Variants in PRSS1 observed in about 807,000 individuals in gnomAD.
PRSS1 encodes the protein TCR V beta 4.1.
In PRSS1, 22 loss-of-function variants were observed where a neutral mutation model predicts 24.2. The ratio of observed to expected loss-of-function variants is 0.91; its 90% CI spans 0.65 to 1.30. PRSS1 has a LOEUF of 1.30. Ranked by LOEUF, PRSS1 falls within the 50% of genes most tolerant of loss-of-function variation. The pLI, the probability that PRSS1 is intolerant of heterozygous loss-of-function variation, is 0.00. For synonymous variants in PRSS1, 126 were observed against 116.1 expected (o/e 1.08, Z -0.55); for missense variants, 366 against 304.2 (o/e 1.20, Z -1.51).
chr7:142,751,078 G>T (rs371622191), intron 2 of PRSS1: 1 of 597,008 alleles, frequency 1.7e-6, no homozygotes, highest in Non-Finnish European at 3.0e-6. Flanking sequence ...GGGCAATTAA[G>T]TCAAAATTTT....
At position 142,751,854 on chromosome 7, in the gene PRSS1, T is replaced by C. The variant is rs1461511291; in HGVS notation, c.281T>C (p.Ile94Thr). Residue 94 changes from isoleucine (I) to threonine (T), a missense_variant, in exon 3 of 5, where the codon ATC (isoleucine) becomes ACC (threonine). By Grantham distance (89) the Ile-to-Thr change is moderately conservative. Transcript: ENST00000311737. ...NEQFINAAKI[I>T]RHPQYDRKTL... ...CAGTTCATCAATGCAGCCAAGATCA[T>C]CCGCCACCCCCAATACGACAGGAAG... The C allele has an allele frequency of 6.2e-7, 1 of 1,614,032 alleles. No homozygotes were observed.
At chr7:142,752,401 C>T (rs751281408) in intron 3 of PRSS1, 30 bp from the exon 4 acceptor site, 10 of 1,612,426 alleles carry the variant, frequency 6.2e-6, no homozygotes, top group Non-Finnish European at 8.5e-6. Flanking sequence ...CACATTTCTA[C>T]TTCCTTTGAT....
At chr7:142,749,573 C>G (rs781517757) in intron 1 of PRSS1, 49 bp downstream of exon 1, 3 of 1,575,270 alleles carry the variant, frequency 1.9e-6, no homozygotes, top group South Asian at 2.2e-5. Flanking sequence ...CCGTTCCTGG[C>G]CGACAAATGC....
intron 1 of PRSS1, among the ~76,000 whole-genome samples, chr7:142,750,021 G>C (rs1417989308): frequency 3.3e-5 from 5 of 152,190 alleles, no homozygotes; most frequent in Non-Finnish European, 7.3e-5. Context: ...AAGAATTGCT[G>C]TCCTATTGGC....
chr7:142,750,516 G>C (rs771983541), intron 1 of PRSS1, 39 bp from the exon 2 acceptor site: 2 of 1,613,802 alleles, frequency 1.2e-6, no homozygotes, highest in East Asian at 2.2e-5. Flanking sequence ...CCCCTAACAT[G>C]CTATTGACTT....
At chr7:142,749,691 T>TC (rs1798522324) in intron 1 of PRSS1, among the ~76,000 whole-genome samples, 167 bp downstream of exon 1, 3,630 of 93,754 alleles carry the variant, frequency 0.039, no homozygotes, top group African/African-American at 0.074. Context: ...AAGTCTCACC[T>TC]GTTCACCTTC....
Position 142,751,871 on chromosome 7 carries a change from G to C in PRSS1, c.298G>C (p.Asp100His), listed in dbSNP as rs199507985. The C allele has an allele frequency of 7.7e-6, 11 of 1,434,124 alleles. No homozygotes were observed. The highest frequency in any genetic ancestry group is 1.0e-5 in the Non-Finnish European group (11 of 1,058,096). 88.8% of individuals were successfully genotyped at this position (1,434,124 alleles called of 1,614,324 possible). A position where few individuals can be genotyped will look rare whatever the true frequency, so the allele number is the denominator to read the frequency against. ...AAKIIRHPQYDRKTLNNDIML... is the reference protein window; with the variant it reads ...AAKIIRHPQYHRKTLNNDIML... ...CAAGATCATCCGCCACCCCCAATAC[G>C]ACAGGAAGACTCTGAACAATGACAT... The change falls in exon 3 of 5, where the codon GAC becomes CAC. Residue 100 changes from aspartate to histidine, a missense_variant. Asp to His is a moderately conservative substitution (Grantham distance 81, BLOSUM62 -1). Transcript: ENST00000311737.
At chr7:142,749,741 C>G (rs2005462) in intron 1 of PRSS1, among the ~76,000 whole-genome samples, 3 of 130,118 alleles carry the variant, frequency 2.3e-5, no homozygotes, top group South Asian at 4.8e-4. Context: ...CATCCATATC[C>G]GAGTTGTGGT....
chr7:142,752,142 C>T lies in PRSS1; in HGVS notation c.454+115C>T, dbSNP rs936056559. On this transcript the variant is annotated intron_variant, in intron 3 of 4. Coordinates refer to ENST00000311737, the MANE Select transcript of PRSS1 (RefSeq NM_002769.5). ...AGGCTTAAGACACATTTCGAGTGCC[C>T]ATTACACACAGACTCTGCACTGGGC... 5 of 1,500,032 alleles carry T rather than the reference C, an allele frequency of 3.3e-6. No individual in the cohort carries two copies. The Admixed American group carries it at 6.8e-5, about 20-fold the overall frequency. The allele number at this position is 1,500,032 out of a possible 1,614,324, so 92.9% of individuals were successfully genotyped here.
intron 1 of PRSS1, among the ~76,000 whole-genome samples, chr7:142,750,293 G>C (rs1427583270): frequency 8.2e-6 from 1 of 122,696 alleles, no homozygotes; most frequent in Non-Finnish European, 1.7e-5. Context: ...TGGAAGCATT[G>C]TGAGGACATT....
intron 2 of PRSS1, 175 bp downstream of exon 2, chr7:142,750,889 C>G: frequency 1.0e-6 from 1 of 959,160 alleles, no homozygotes; most frequent in Non-Finnish European, 1.6e-6. Flanking sequence ...ACAGGAACCT[C>G]TCACACCCAG....
rs1385704003 is a variant in PRSS1 at position 142,751,824 on chromosome 7, A to T, written c.251A>T (p.Asn84Ile). 6.2e-7 allele frequency: 1 copy of T among 1,614,030 alleles called. No individual in the cohort carries two copies. The highest frequency in any genetic ancestry group is 8.5e-7 in the Non-Finnish European group (1 of 1,180,024). Reference sequence around the variant, plus strand: ...CACAACATCGAAGTCCTGGAGGGGAATGAGCAGTTCATCAATGCAGCCAAG... The same window carrying T: ...CACAACATCGAAGTCCTGGAGGGGATTGAGCAGTTCATCAATGCAGCCAAG... ...GEHNIEVLEG[N>I]EQFINAAKII... is the part of the protein sequence containing the mutation. Residue 84 changes from asparagine (N) to isoleucine (I), a missense_variant, in exon 3 of 5, where the codon AAT becomes ATT. Physicochemically the swap from Asn to Ile is moderately radical, Grantham distance 149 (BLOSUM62 -3). Transcript: ENST00000311737.
At chr7:142,751,706 CT>C (rs766525828) in intron 2 of PRSS1, 67 bp from the exon 3 acceptor site, 51 of 1,613,888 alleles carry the variant, frequency 3.2e-5, no homozygotes, top group Non-Finnish European at 4.0e-5. Flanking sequence ...CTTGAGGAAC[CT>C]GGGGAAGGTG....
At chr7:142,752,647 G>C (rs1482784932) in intron 4 of PRSS1, 80 bp downstream of exon 4, 1 of 1,604,860 alleles carries the variant, frequency 6.2e-7, no homozygotes. Context: ...GAACTCAAAA[G>C]GTGGTGGGGC....
rs200976326 is a variant in PRSS1 at position 142,751,946 on chromosome 7, A to G, written c.373A>G (p.Thr125Ala). 3 of 1,614,020 alleles carry G rather than the reference A, an allele frequency of 1.9e-6. No homozygotes were observed. Among genetic ancestry groups the G allele is most frequent in the Middle Eastern group, 1.7e-4 (1 of 6,048 alleles). ...SRAVINARVS[T>A]ISLPTAPPAT... Reference sequence around the variant, plus strand: ...TGCAGTAATCAACGCCCGCGTGTCCACCATCTCTCTGCCCACCGCCCCTCC... The same window carrying G: ...TGCAGTAATCAACGCCCGCGTGTCCGCCATCTCTCTGCCCACCGCCCCTCC... Residue 125 changes from threonine (T) to alanine (A), a missense_variant, in exon 3 of 5, where the codon ACC (threonine) becomes GCC (alanine). By Grantham distance (58) the Thr-to-Ala change is moderately conservative. Transcript: ENST00000311737.
intron 2 of PRSS1, chr7:142,750,941 G>A: frequency 3.9e-6 from 3 of 768,664 alleles, no homozygotes; most frequent in East Asian, 2.7e-5. Flanking sequence ...ATAAAAGCAG[G>A]CAGGGATGAT....
chr7:142,751,371 C>G, intron 2 of PRSS1: 1 of 577,066 alleles, frequency 1.7e-6, no homozygotes, highest in Non-Finnish European at 3.1e-6. Context: ...AAGGGTGGTT[C>G]TCACCAGGCC....
rs766947989 is a variant in PRSS1 at position 142,750,856 on chromosome 7, C to G, written c.200+142C>G. The G allele has an allele frequency of 1.2e-5, 15 of 1,244,930 alleles. No individual in the cohort carries two copies. The African/African-American group carries it at 1.6e-4, about 14-fold the overall frequency. 77.1% of individuals were successfully genotyped at this position (1,244,930 alleles called of 1,614,324 possible). On this transcript the variant is annotated intron_variant, in intron 2 of 4. Coordinates refer to ENST00000311737, the MANE Select transcript of PRSS1 (RefSeq NM_002769.5). ...AAACTTGTTGGCAGCTGCGGACTCT[C>G]CAGAGCAGAGAGTGAACACAAGACA... is the stretch of plus-strand genomic sequence containing the variant.
In PRSS1 at chr7:142,752,566, A is replaced by G; in HGVS notation, c.590A>G (p.Gln197Arg). ...CTTGAGGGAGGCAAGGATTCATGTC[A>G]GGTGATTTGACCAACCCTTCCCATG... ...GFLEGGKDSC[Q>R]GDSGGPVVCN... Residue 197 changes from glutamine to arginine, a missense_variant and splice_region_variant, in exon 4 of 5, where the codon CAG (glutamine) becomes CGG (arginine). Transcript: ENST00000311737. 2 of 1,614,160 alleles carry G rather than the reference A, an allele frequency of 1.2e-6. No individual in the cohort carries two copies. The highest frequency in any genetic ancestry group is 1.7e-6 in the Non-Finnish European group (2 of 1,180,008).
Sources: gnomAD v4.1 joint callset for allele counts (sites outside exome capture counted in the v4.1 genomes callset) on GRCh38, gnomAD v4.1.1 for gene constraint, MANE v1.5 for transcripts, NCBI Gene and HGNC (gene_info 2026-07-23, HGNC 2026-07-21) for gene names.